ZZEF1: variants seen among roughly 807,000 people sequenced by gnomAD.
ZZEF1 encodes the protein zinc finger ZZ-type and EF-hand domain-containing protein 1.
Under a neutral mutation model 342.8 loss-of-function variants are expected in ZZEF1, and 157 were observed. The observed-to-expected ratio is 0.46, with a 90% confidence interval of 0.40 to 0.52. ZZEF1 has a LOEUF of 0.52. Ranked by LOEUF, ZZEF1 falls within the 20% of genes least tolerant of loss-of-function variation. The pLI, the probability that ZZEF1 is intolerant of heterozygous loss-of-function variation, is 0.00. For missense variants in ZZEF1, 3,480 were observed against 3,725.6 expected, an observed-to-expected ratio of 0.93 and a Z score of 1.72; for synonymous variants, 1,505 against 1,429.1, an observed-to-expected ratio of 1.05 and a Z score of -1.20.
chr17:4,029,415 T>C (rs1267443414), intron 42 of ZZEF1, among the ~76,000 whole-genome samples: 4 of 151,732 alleles, frequency 2.6e-5, no homozygotes, highest in African/African-American at 9.7e-5. Context: ...GGAAAATATA[T>C]TGTGACCTAA....
At chr17:4,121,630 AAAT>A (rs748181928) in intron 2 of ZZEF1, among the ~76,000 whole-genome samples, 2 of 152,318 alleles carry the variant, frequency 1.3e-5, no homozygotes, top group East Asian at 1.9e-4. Context: ...CTCAAAAGAA[AAAT>A]AATAATAATT....
Position 4,009,677 on chromosome 17 carries a change from G to A in ZZEF1, c.8660C>T (p.Thr2887Met), listed in dbSNP as rs1475033897. The A allele has an allele frequency of 5.0e-6, 8 of 1,613,988 alleles. No individual in the cohort carries two copies. The highest frequency in any genetic ancestry group is 2.2e-5 in the East Asian group (1 of 44,892). The change falls in exon 53 of 55, where the codon ACG becomes ATG. Residue 2887 changes from threonine to methionine, a missense_variant. Transcript: ENST00000381638. ...HMEYGLFEDV[T>M]QPGILLPLHR... Reference sequence around the variant, plus strand: ...CAGGGGAAGGAGGATGCCGGGCTGCGTCACGTCCTCAAACAGGCCGTACTC... The same window carrying A: ...CAGGGGAAGGAGGATGCCGGGCTGCATCACGTCCTCAAACAGGCCGTACTC...
intron 42 of ZZEF1, among the ~76,000 whole-genome samples, chr17:4,030,752 T>C (rs1053113246): frequency 5.9e-5 from 9 of 152,184 alleles, no homozygotes; most frequent in African/African-American, 2.2e-4. Context: ...GGCTCTTTTA[T>C]AGAAACTGAT....
intron 13 of ZZEF1, 43 bp downstream of exon 13, chr17:4,088,635 C>CT: frequency 6.3e-7 from 1 of 1,599,476 alleles, no homozygotes. Context: ...CTGTCATTCA[C>CT]TTTTCCTAAA....
chr17:4,096,299 C>T (rs532001070), intron 10 of ZZEF1, among the ~76,000 whole-genome samples: 8 of 151,728 alleles, frequency 5.3e-5, no homozygotes, highest in Admixed American at 1.3e-4. Context: ...AGCCATAGGT[C>T]TGACTTTAAA....
At chr17:4,114,263 A>T in intron 4 of ZZEF1, 36 bp downstream of exon 4, 1 of 1,464,528 alleles carries the variant, frequency 6.8e-7, no homozygotes, top group East Asian at 2.5e-5. Flanking sequence ...ACAATCCAAA[A>T]TTTTAAAAAA....
At chr17:4,068,738 A>C (rs2057452669) in intron 26 of ZZEF1, among the ~76,000 whole-genome samples, 1 of 152,224 alleles carries the variant, frequency 6.6e-6, no homozygotes, top group African/African-American at 2.4e-5. Context: ...GGAATACGCC[A>C]GGGCTGTACC....
chr17:4,056,247 A>AT lies in ZZEF1; in HGVS notation c.5263dup (p.Ile1755AsnfsTer21). 1 of 1,589,626 alleles carries AT rather than the reference A, an allele frequency of 6.3e-7. No homozygotes were observed. On this transcript the variant is annotated frameshift_variant, in exon 33 of 55. Transcript: ENST00000381638. LOFTEE classifies it high-confidence loss of function. ...CTGCTTCTCTGGATCTTCCTGGGCT[A>AT]TTTTTTCATACCAGGCCTCAAACAT...
At chr17:4,076,800 C>G (rs777064699) in intron 20 of ZZEF1, 41 bp from the exon 21 acceptor site, 45 of 1,611,240 alleles carry the variant, frequency 2.8e-5, no homozygotes, top group Non-Finnish European at 3.8e-5. Flanking sequence ...CCACCTTAGG[C>G]TGGGCCTGGG....
intron 24 of ZZEF1, 117 bp downstream of exon 24, chr17:4,074,033 G>C: frequency 2.6e-6 from 3 of 1,146,960 alleles, no homozygotes; most frequent in Non-Finnish European, 3.7e-6. Context: ...AAAGGAAACT[G>C]AAAAGGCGTA....
chr17:4,064,945 T>C, intron 28 of ZZEF1, 116 bp from the exon 29 acceptor site: 1 of 718,006 alleles, frequency 1.4e-6, no homozygotes, highest in South Asian at 1.9e-5. Context: ...AGTTAATGGG[T>C]GCAGCACACC....
At chr17:4,060,692 C>T (rs1004164168) in intron 30 of ZZEF1, among the ~76,000 whole-genome samples, 1 of 151,090 alleles carries the variant, frequency 6.6e-6, no homozygotes, top group Non-Finnish European at 1.5e-5. Context: ...TCTCTGATGA[C>T]TATCCTTATA....
chr17:4,044,772 C>G (rs898713262), intron 37 of ZZEF1, among the ~76,000 whole-genome samples: 1 of 152,070 alleles, frequency 6.6e-6, no homozygotes, highest in African/African-American at 2.4e-5. Flanking sequence ...CCACCTCGTC[C>G]TCTTTAAGTG....
intron 1 of ZZEF1, among the ~76,000 whole-genome samples, chr17:4,136,577 A>G (rs1171724124): frequency 6.6e-6 from 1 of 152,108 alleles, no homozygotes; most frequent in Non-Finnish European, 1.5e-5. Context: ...CCCAGTTCCC[A>G]AGCTCAGTCT....
chr17:4,081,330 C>T (rs1396708912), intron 18 of ZZEF1, 46 bp downstream of exon 18: 6 of 1,524,264 alleles, frequency 3.9e-6, no homozygotes, highest in Non-Finnish European at 4.5e-6. Flanking sequence ...ATCACGTGCC[C>T]CCACAAGCAT....
At chr17:4,122,505 G>A (rs977903311) in intron 2 of ZZEF1, among the ~76,000 whole-genome samples, 2 of 151,884 alleles carry the variant, frequency 1.3e-5, no homozygotes, top group Admixed American at 6.6e-5. Flanking sequence ...TTAGCCTCCC[G>A]AATAGCTGGG....
intron 30 of ZZEF1, among the ~76,000 whole-genome samples, chr17:4,059,834 CCTTGT>C (rs1159607422): frequency 1.3e-5 from 2 of 152,232 alleles, no homozygotes; most frequent in African/African-American, 4.8e-5. Context: ...ATTTCCTGGA[CCTTGT>C]TATCATGTGA....
Position 4,017,308 on chromosome 17 carries a change from A to C in ZZEF1, c.8001+63T>G. 1.3e-6 allele frequency: 2 copies of C among 1,534,788 alleles called. No individual in the cohort carries two copies. On this transcript the variant is annotated intron_variant, in intron 48 of 54. Transcript: ENST00000381638. This position sits in a 1 kb window ranked among gnomAD's most constrained non-coding sequence, Gnocchi z 5.1. Reference sequence around the variant, plus strand: ...CCTCGCTCCAGGAAGCACTCACTGGAGGAAGCCTGTGGGGCAGAGGAAGAA... The same window carrying C: ...CCTCGCTCCAGGAAGCACTCACTGGCGGAAGCCTGTGGGGCAGAGGAAGAA...
chr17:4,077,956 T>C lies in ZZEF1; in HGVS notation c.2916A>G (p.Leu972=), dbSNP rs754281701. 6 of 1,614,190 alleles carry C rather than the reference T, an allele frequency of 3.7e-6. No individual in the cohort carries two copies. Among genetic ancestry groups the C allele is most frequent in the Non-Finnish European group, 5.1e-6 (6 of 1,180,026 alleles). The change falls in exon 19 of 55, where the codon CTA becomes CTG. Residue 972 remains leucine (L), a synonymous_variant. Transcript: ENST00000381638. ...TCTTCAGCTGCAGGTAGCACCAGGA[T>C]AGCAGGCTGCCTTGGACGGACCAGA... ...SLFWSVQGSL[L]SWCYLQLKST... is the part of the protein sequence containing the mutation.
Sources: allele counts gnomAD v4.1 joint callset (sites outside exome capture counted in the v4.1 genomes callset), GRCh38; gene constraint gnomAD v4.1.1; non-coding constraint Gnocchi (gnomAD v3.1); transcripts MANE v1.5; gene names NCBI Gene and HGNC (gene_info 2026-07-23, HGNC 2026-07-21).